The following PCARE variants were observed in gnomAD, a reference collection of about 807,000 sequenced individuals.
The protein encoded by PCARE is photoreceptor cilium actin regulator.
In PCARE, 72 loss-of-function variants were observed where a neutral mutation model predicts 82.2. The observed-to-expected ratio is 0.88, with a 90% CI of 0.72 to 1.07. The LOEUF (loss-of-function observed/expected upper bound fraction) is 1.07. Among genes scored for constraint, PCARE ranks in the 50% least tolerant of loss-of-function variants. The pLI is 0.00. For synonymous variants in PCARE, 705 were observed against 634.8 expected, an observed-to-expected ratio of 1.11 and a Z score of -1.66; for missense variants, 1,768 against 1,592.4, an observed-to-expected ratio of 1.11 and a Z score of -1.88.
At chr2:29,068,175 G>T (rs1348194846) in intron 1 of PCARE, among the ~76,000 whole-genome samples, 1 of 152,172 alleles carries the variant, frequency 6.6e-6, no homozygotes, top group African/African-American at 2.4e-5. Flanking sequence ...GAAAACCACT[G>T]TACTGTAGGA....
Position 29,064,868 on chromosome 2 carries a change from G to T in PCARE, c.*1C>A. ...GTGAGTGTGGCCCCCTCGTCAGCCT[G>T]TCAGGACACCTCCTCTTGCTGGGGC... On this transcript the variant is annotated 3_prime_UTR_variant, in exon 2 of 2. Transcript: ENST00000331664. The T allele has an allele frequency of 6.2e-7, 1 of 1,611,024 alleles. No homozygotes were observed.
intron 1 of PCARE, among the ~76,000 whole-genome samples, chr2:29,068,136 T>A (rs998611666): frequency 2.0e-5 from 3 of 152,228 alleles, no homozygotes; most frequent in African/African-American, 7.2e-5. Flanking sequence ...TGAGGAATAA[T>A]GCATTAACAT....
In PCARE at chr2:29,072,306, A is replaced by G. The variant is rs201604610; in HGVS notation, c.1956T>C (p.Asn652=). 7.4e-6 allele frequency: 12 copies of G among 1,614,160 alleles called. No individual in the cohort carries two copies. Among genetic ancestry groups the G allele is most frequent in the African/African-American group, 1.3e-5 (1 of 75,050 alleles). ...LQPRAAAVWP[N]GTCRVSPSNT... ...TGCTTGGACTGACCCTGCAGGTGCCATTGGGCCACACGGCGGCTGCTCTGG... is the reference window on the plus strand; with the variant it reads ...TGCTTGGACTGACCCTGCAGGTGCCGTTGGGCCACACGGCGGCTGCTCTGG... Residue 652 remains asparagine (N), a synonymous_variant, in exon 1 of 2, where the codon AAT becomes AAC. Coordinates refer to ENST00000331664, the MANE Select transcript of PCARE (RefSeq NM_001029883.3).
At chr2:29,065,889 G>A (rs1667383480) in intron 1 of PCARE, among the ~76,000 whole-genome samples, 1 of 152,186 alleles carries the variant, frequency 6.6e-6, no homozygotes, top group Admixed American at 6.5e-5. Context: ...GCTCACACCT[G>A]TAATCCCAGC....
In PCARE at chr2:29,062,307, C is replaced by G. The variant is rs188247308; in HGVS notation, c.*2562G>C. On this transcript the variant is annotated 3_prime_UTR_variant, in exon 2 of 2. Transcript: ENST00000331664. ...CGTGTGTGGGGACCTATGGCAGGAG[C>G]CTCGCCCTGTCCTGGCACACGTTGG... The G allele has an allele frequency of 6.0e-3, 915 of 152,376 alleles. 2 individuals carry two copies. Among genetic ancestry groups the G allele is most frequent in the Non-Finnish European group, 0.01 (711 of 68,104 alleles). 9.4% of individuals were successfully genotyped at this position (152,376 alleles called of 1,614,324 possible).
rs747224835 is a variant in PCARE, at chr2:29,073,457, G to C, written c.805C>G (p.Gln269Glu). 7 of 1,614,102 alleles carry C rather than the reference G, an allele frequency of 4.3e-6. No individual in the cohort carries two copies. The South Asian group carries it at 6.6e-5, about 15-fold the overall frequency. Residue 269 changes from glutamine (Q) to glutamate (E), a missense_variant, in exon 1 of 2, where the codon CAG becomes GAG. By Grantham distance (29) the Gln-to-Glu change is conservative (BLOSUM62 2). Coordinates refer to ENST00000331664, the MANE Select transcript of PCARE (RefSeq NM_001029883.3). Reference protein sequence around the residue: ...EPQEQPNLLQQLLQYTVSKLQ... With the variant: ...EPQEQPNLLQELLQYTVSKLQ... ...TTGCTGACTGTGTACTGTAGCAGCTGTTGCAGGAGATTTGGCTGCTCCTGG... is the reference window on the plus strand; with the variant it reads ...TTGCTGACTGTGTACTGTAGCAGCTCTTGCAGGAGATTTGGCTGCTCCTGG...
chr2:29,074,061 G>T lies in PCARE; in HGVS notation c.201C>A (p.Asn67Lys). Residue 67 changes from asparagine to lysine, a missense_variant, in exon 1 of 2, where the codon AAC (asparagine) becomes AAA (lysine). Asn to Lys is a moderately conservative substitution (Grantham distance 94). Coordinates refer to ENST00000331664, the MANE Select transcript of PCARE (RefSeq NM_001029883.3). ...LAEEQPSPRR[N>K]QTTAKGLCQL... ...GACAAAGACCTTTAGCTGTGGTTTG[G>T]TTCCTCCTGGGACTTGGCTGCTCCT... The T allele has an allele frequency of 1.2e-6, 2 of 1,614,170 alleles. No individual in the cohort carries two copies. Among genetic ancestry groups the T allele is most frequent in the Non-Finnish European group, 1.7e-6 (2 of 1,180,030 alleles).
In PCARE at chr2:29,072,091, CCT is replaced by C; in HGVS notation, c.2169_2170del (p.Gly724LeufsTer12). The C allele has an allele frequency of 6.2e-7, 1 of 1,614,254 alleles. No individual in the cohort carries two copies. Among genetic ancestry groups the C allele is most frequent in the Non-Finnish European group, 8.5e-7 (1 of 1,180,052 alleles). ...CTTGACGGATGTTCTGGTGGGACAG[CCT>C]CTGACATTCCAGTCTGTGGCCTTGG... is the stretch of plus-strand genomic sequence containing the variant. On this transcript the variant is annotated frameshift_variant, in exon 1 of 2. Transcript: ENST00000331664. LOFTEE classifies it high-confidence loss of function.
rs768127747 is a variant in PCARE, at chr2:29,072,839, G to A, written c.1423C>T (p.Pro475Ser). 1.2e-6 allele frequency: 2 copies of A among 1,614,152 alleles called. No individual in the cohort carries two copies. The highest frequency in any genetic ancestry group is 1.7e-6 in the Non-Finnish European group (2 of 1,180,026). ...VEPHLSKTSR[P>S]MDASSLSDSE... is the part of the protein sequence containing the mutation. ...TCACTAAGAGATGAAGCGTCCATCG[G>A]CCTGGAGGTTTTGGAAAGGTGTGGT... The change falls in exon 1 of 2, where the codon CCG becomes TCG. Residue 475 changes from proline to serine, a missense_variant. Pro to Ser is a moderately conservative substitution (Grantham distance 74). Transcript: ENST00000331664.
In PCARE at chr2:29,061,942, G is replaced by A. The variant is rs1218851136; in HGVS notation, c.*2927C>T. ...TTGTGGAAGACCTGGTCTCTAGGAG[G>A]CAAAACTGACCAGATGCCACAAAAC... On this transcript the variant is annotated 3_prime_UTR_variant, in exon 2 of 2. Transcript: ENST00000331664. The A allele has an allele frequency of 6.6e-6, 1 of 152,212 alleles. No homozygotes were observed. 9.4% of individuals were successfully genotyped at this position (152,212 alleles called of 1,614,324 possible).
chr2:29,072,418 A>T lies in PCARE; in HGVS notation c.1844T>A (p.Val615Asp), dbSNP rs140776870. The T allele has an allele frequency of 2.4e-3, 3,838 of 1,613,874 alleles. 75 individuals carry two copies. In the African/African-American group the frequency reaches 0.045, roughly 19 times the overall value. ...EDPTFQELRR[V>D]QRDLSQKLEA... Reference sequence around the variant, plus strand: ...CAGCTTCTGACTGAGGTCCCTCTGGACCCTTCGCAGCTCCTGAAAGGTGGG... The same window carrying T: ...CAGCTTCTGACTGAGGTCCCTCTGGTCCCTTCGCAGCTCCTGAAAGGTGGG... The change falls in exon 1 of 2, where the codon GTC becomes GAC. Residue 615 changes from valine (V) to aspartate (D), a missense_variant. By Grantham distance (152) the Val-to-Asp change is radical (BLOSUM62 -3). Transcript: ENST00000331664.
At chr2:29,065,143 T>C (rs1572822322) in intron 1 of PCARE, 76 bp from the exon 2 acceptor site, 1 of 1,470,928 alleles carries the variant, frequency 6.8e-7, no homozygotes. Context: ...CTGTCCTCCA[T>C]TCTCCCTTTC....
rs1351197720 is a variant in PCARE at position 29,073,963 on chromosome 2, G to T, written c.299C>A (p.Ser100Ter). 3 of 1,614,250 alleles carry T rather than the reference G, an allele frequency of 1.9e-6. No homozygotes were observed. Among genetic ancestry groups the T allele is most frequent in the South Asian group, 2.2e-5 (2 of 91,084 alleles). Residue 100 changes from serine (S) to a stop codon, truncating the protein, a stop_gained, in exon 1 of 2, where the codon TCA becomes TAA. Coordinates refer to ENST00000331664, the MANE Select transcript of PCARE (RefSeq NM_001029883.3). LOFTEE classifies it high-confidence loss of function. ...EGLIPGTKTS[S>*]SQLNKSQSHM... ...GCTTTGTGATTTGTTCAGCTGGGAT[G>T]AAGAGGTTTTGGTTCCTGGGATCAG...
Position 29,071,253 on chromosome 2 carries a change from A to C in PCARE, c.3009T>G (p.Pro1003=), listed in dbSNP as rs1220872354. The change falls in exon 1 of 2, where the codon CCT becomes CCG. Residue 1003 remains proline, a synonymous_variant. Transcript: ENST00000331664. ...KASPTRTHWV[P]QADKRRRSLP... is the part of the protein sequence containing the mutation. ...GGCTCCGGCGCCTCTTGTCTGCTTG[A>C]GGCACCCAGTGTGTCCTCGTGGGAG... 6 of 1,612,790 alleles carry C rather than the reference A, an allele frequency of 3.7e-6. No homozygotes were observed. Among genetic ancestry groups the C allele is most frequent in the Non-Finnish European group, 5.1e-6 (6 of 1,179,660 alleles).
chr2:29,071,141 G>A lies in PCARE; in HGVS notation c.3121C>T (p.Pro1041Ser). ...SPPVSPRVLSPPTTKRRTSPP... is the reference protein window; with the variant it reads ...SPPVSPRVLSSPTTKRRTSPP... ...GAAGTTCGCCGCTTTGTGGTGGGTG[G>A]GCTTAGCACCCTGGGGCTCACAGGT... is the stretch of plus-strand genomic sequence containing the variant. Residue 1041 changes from proline (P) to serine (S), a missense_variant, in exon 1 of 2, where the codon CCA (proline) becomes TCA (serine). Physicochemically the swap from Pro to Ser is moderately conservative, Grantham distance 74. Transcript: ENST00000331664. 1 of 1,583,260 alleles carries A rather than the reference G, an allele frequency of 6.3e-7. No individual in the cohort carries two copies. The highest frequency in any genetic ancestry group is 8.6e-7 in the Non-Finnish European group (1 of 1,164,652).
chr2:29,073,047 G>A lies in PCARE; in HGVS notation c.1215C>T (p.Gly405=), dbSNP rs754808908. The change falls in exon 1 of 2, where the codon GGC becomes GGT. Residue 405 remains glycine (G), a synonymous_variant. Coordinates refer to ENST00000331664, the MANE Select transcript of PCARE (RefSeq NM_001029883.3). ...HTWQQSPFCL[G]SGRPQDCLLS... The stretch of plus-strand genomic sequence containing the variant: ...GCAGGCAGTCCTGGGGTCTGCCTGA[G>A]CCCAAACAGAATGGACTTTGCTGCC... The A allele has an allele frequency of 9.3e-5, 150 of 1,613,918 alleles. 4 individuals are homozygous for A. In the South Asian group the frequency reaches 1.2e-3, roughly 13 times the overall value.
At position 29,071,308 on chromosome 2, in the gene PCARE, T is replaced by C. The variant is rs398123539; in HGVS notation, c.2954A>G (p.Glu985Gly). Reference protein sequence around the residue: ...SSLARPRQSRERSPPVGRKAS... With the variant: ...SSLARPRQSRGRSPPVGRKAS... ...CTTTCTGCCCACAGGGGGGCTTCTC[T>C]CTCGGCTCTGCCTTGGTCTGGCCAG... Residue 985 changes from glutamate to glycine, a missense_variant, in exon 1 of 2, where the codon GAG becomes GGG. Glu to Gly is a moderately conservative substitution (Grantham distance 98). Transcript: ENST00000331664. The C allele has an allele frequency of 4.7e-5, 76 of 1,613,394 alleles. No individual in the cohort carries two copies. Among genetic ancestry groups the C allele is most frequent in the Non-Finnish European group, 6.3e-5 (74 of 1,179,930 alleles).
rs755455124 is a variant in PCARE, at chr2:29,072,837, C to T, written c.1425G>A (p.Pro475=). The change falls in exon 1 of 2, where the codon CCG becomes CCA. Residue 475 remains proline (P), a synonymous_variant. Transcript: ENST00000331664. The part of the protein sequence containing the change: ...VEPHLSKTSR[P]MDASSLSDSE... ...TGTCACTAAGAGATGAAGCGTCCATCGGCCTGGAGGTTTTGGAAAGGTGTG... is the reference window on the plus strand; with the variant it reads ...TGTCACTAAGAGATGAAGCGTCCATTGGCCTGGAGGTTTTGGAAAGGTGTG... 9.3e-6 allele frequency: 15 copies of T among 1,614,016 alleles called. No individual in the cohort carries two copies. Among genetic ancestry groups the T allele is most frequent in the East Asian group, 4.5e-5 (2 of 44,896 alleles).
rs1408041749 is a variant in PCARE at position 29,064,589 on chromosome 2, AC to A, written c.*279del. 1.7e-4 allele frequency: 96 copies of A among 565,464 alleles called. No individual in the cohort carries two copies. The highest frequency in any genetic ancestry group is 9.8e-5 in the Non-Finnish European group (31 of 315,672). 35.0% of individuals were successfully genotyped at this position (565,464 alleles called of 1,614,324 possible). ...CTATACATTCTCCACCCCCCACCCC[AC>A]CCCAAATTAAGGCCAGCACTTGAAG... is the stretch of plus-strand genomic sequence containing the variant. On this transcript the variant is annotated 3_prime_UTR_variant, in exon 2 of 2. Coordinates refer to ENST00000331664, the MANE Select transcript of PCARE (RefSeq NM_001029883.3).
Sources: gnomAD v4.1 joint callset for allele counts (sites outside exome capture counted in the v4.1 genomes callset) on GRCh38, gnomAD v4.1.1 for gene constraint, MANE v1.5 for transcripts, NCBI Gene and HGNC (gene_info 2026-07-23, HGNC 2026-07-21) for gene names.